The following PTPRD variants were observed in gnomAD, a reference collection of about 807,000 sequenced individuals.
The protein encoded by PTPRD is receptor-type tyrosine-protein phosphatase delta.
A neutral mutation model predicts 214.5 loss-of-function variants in PTPRD; 34 were observed. The ratio of observed to expected loss-of-function variants is 0.16; its 90% CI spans 0.12 to 0.21. The LOEUF (loss-of-function observed/expected upper bound fraction) is 0.21, where lower values mean the gene tolerates loss of function less well. Among genes scored for constraint, PTPRD ranks in the 10% least tolerant of loss-of-function variants. The pLI, the probability that PTPRD is intolerant of heterozygous loss-of-function variation, is 1.00. For synonymous variants in PTPRD, 1,128 were observed against 845.7 expected (o/e 1.33, Z -5.79); for missense variants, 2,545 against 2,398.7 (o/e 1.06, Z -1.27).
At chr9:9,361,285 G>A (rs968825076) in intron 9 of PTPRD, among the ~76,000 whole-genome samples, 5 of 150,954 alleles carry the variant, frequency 3.3e-5, no homozygotes, top group South Asian at 2.1e-4. Flanking sequence ...CATTACCACC[G>A]GGGATATCTT....
At chr9:10,084,637 C>T (rs774211427) in intron 3 of PTPRD, among the ~76,000 whole-genome samples, 6 of 151,046 alleles carry the variant, frequency 4.0e-5, no homozygotes, top group Non-Finnish European at 8.8e-5. Context: ...TGGGAGTCAA[C>T]AAACACTTTC....
intron 8 of PTPRD, among the ~76,000 whole-genome samples, chr9:9,456,765 TAA>T (rs1355213873): frequency 2.6e-5 from 4 of 151,830 alleles, no homozygotes; most frequent in Admixed American, 2.6e-4. Context: ...GACTGAGAAA[TAA>T]AGAGGTTAAA....
At position 8,673,771 on chromosome 9, in the gene PTPRD, A is replaced by G. The variant is rs117578407; in HGVS notation, c.65-36927T>C. Among the ~76,000 whole-genome samples the G allele has an allele frequency of 2.6e-3, 398 of 152,338 alleles. 3 individuals are homozygous for G. The highest frequency in any genetic ancestry group is 0.014 in the East Asian group (73 of 5,182). ...CTATTTGTGTATGTTCAATTGGCAT[A>G]ACGAGTGCACTGAAGTAGTGTTTCT... On this transcript the variant is annotated intron_variant, in intron 12 of 45. Coordinates refer to ENST00000381196, the MANE Select transcript of PTPRD (RefSeq NM_002839.4).
intron 3 of PTPRD, among the ~76,000 whole-genome samples, chr9:10,137,913 G>C (rs1177306113): frequency 6.6e-6 from 1 of 151,906 alleles, no homozygotes; most frequent in South Asian, 2.1e-4. Context: ...GAAATGTATA[G>C]TGCTAAACAC....
At chr9:10,518,839 GT>G (rs542756809) in intron 2 of PTPRD, among the ~76,000 whole-genome samples, 61 of 143,306 alleles carry the variant, frequency 4.3e-4, no homozygotes, top group East Asian at 1.2e-3. Context: ...GCCTTACATT[GT>G]TTTTTTTTTT....
chr9:8,435,493 G>A (rs1170536388), intron 35 of PTPRD, among the ~76,000 whole-genome samples: 8 of 152,080 alleles, frequency 5.3e-5, no homozygotes, highest in Non-Finnish European at 8.8e-5. Flanking sequence ...GGCTGCCCAG[G>A]TACCCAATAA....
intron 2 of PTPRD, among the ~76,000 whole-genome samples, chr9:10,523,612 T>TTGAGAGAGAGAGAGAG (rs2053179938): frequency 1.0e-5 from 1 of 96,550 alleles, no homozygotes; most frequent in African/African-American, 3.2e-5. Context: ...TATATATATA[T>TTGAGAGAGAGAGAGAG]ATATATATAT....
At chr9:10,431,177 C>T (rs1475312507) in intron 2 of PTPRD, among the ~76,000 whole-genome samples, 1 of 151,860 alleles carries the variant, frequency 6.6e-6, no homozygotes, top group East Asian at 1.9e-4. Context: ...TCTTATTTTC[C>T]TAAATTTCAT....
chr9:9,660,303 T>C (rs1428641254), intron 7 of PTPRD, among the ~76,000 whole-genome samples: 3 of 151,846 alleles, frequency 2.0e-5, no homozygotes, highest in African/African-American at 7.3e-5. Flanking sequence ...ACAGAACATC[T>C]CCTCTGTGAA....
chr9:9,754,432 A>G (rs1247161462), intron 6 of PTPRD, among the ~76,000 whole-genome samples: 1 of 152,016 alleles, frequency 6.6e-6, no homozygotes, highest in Non-Finnish European at 1.5e-5. Context: ...TGACTCGGTG[A>G]CCCTCTTCAA....
At chr9:9,984,962 T>C (rs10978147) in intron 4 of PTPRD, among the ~76,000 whole-genome samples, 40,808 of 152,102 alleles carry the variant, frequency 0.27, 5,885 homozygotes, top group Middle Eastern at 0.38. Context: ...CTGAGGAAGA[T>C]TAACATCATG....
chr9:10,393,061 G>C (rs532448142), intron 2 of PTPRD, among the ~76,000 whole-genome samples: 2 of 151,854 alleles, frequency 1.3e-5, no homozygotes, highest in South Asian at 4.1e-4. Flanking sequence ...CTGAACTCCT[G>C]ATGCTCACTC....
intron 2 of PTPRD, among the ~76,000 whole-genome samples, chr9:10,432,520 C>A (rs1315923095): frequency 2.0e-5 from 3 of 152,050 alleles, no homozygotes; most frequent in East Asian, 3.9e-4. Context: ...AACACTAATT[C>A]TTCACCAAAA....
At chr9:9,343,255 A>G (rs928383920) in intron 9 of PTPRD, among the ~76,000 whole-genome samples, 1 of 152,104 alleles carries the variant, frequency 6.6e-6, no homozygotes, top group Admixed American at 6.6e-5. Flanking sequence ...CAGTAATGGG[A>G]TTGCTGGGTC....
At chr9:8,878,058 G>C (rs2098409622) in intron 11 of PTPRD, among the ~76,000 whole-genome samples, 1 of 152,140 alleles carries the variant, frequency 6.6e-6, no homozygotes, top group Non-Finnish European at 1.5e-5. Context: ...AATTGAGTTT[G>C]AAGATAAAGT....
chr9:9,030,499 T>C (rs1318095246), intron 10 of PTPRD, among the ~76,000 whole-genome samples: 1 of 151,760 alleles, frequency 6.6e-6, no homozygotes, highest in Non-Finnish European at 1.5e-5. Flanking sequence ...AGCTATGTTT[T>C]TGTACTCCAT....
chr9:9,495,932 G>A (rs757789139), intron 8 of PTPRD, among the ~76,000 whole-genome samples: 25 of 152,146 alleles, frequency 1.6e-4, no homozygotes, highest in Non-Finnish European at 2.9e-4. Context: ...GGGCTTTGGG[G>A]TAGCAGGCAC....
intron 8 of PTPRD, among the ~76,000 whole-genome samples, chr9:9,527,209 T>C (rs1288586293): frequency 6.6e-6 from 1 of 152,198 alleles, no homozygotes; most frequent in African/African-American, 2.4e-5. Flanking sequence ...TGTTTTCTAA[T>C]CTTAAATCAA....
At chr9:9,395,269 G>C (rs1205632810) in intron 9 of PTPRD, among the ~76,000 whole-genome samples, 1 of 151,842 alleles carries the variant, frequency 6.6e-6, no homozygotes, top group Non-Finnish European at 1.5e-5. Flanking sequence ...AACATCACTT[G>C]AGAACTTGTT....
Sources: gnomAD v4.1 joint callset for allele counts (sites outside exome capture counted in the v4.1 genomes callset) on GRCh38, gnomAD v4.1.1 for gene constraint, MANE v1.5 for transcripts, NCBI Gene and HGNC (gene_info 2026-07-23, HGNC 2026-07-21) for gene names.